KRT13: variants seen among roughly 807,000 people sequenced by gnomAD.
KRT13 encodes the protein keratin, type I cytoskeletal 13.
A neutral mutation model predicts 40.6 loss-of-function variants in KRT13; 27 were observed. The ratio of observed to expected loss-of-function variants is 0.67; its 90% CI spans 0.49 to 0.92. The LOEUF is 0.92. Among genes scored for constraint, KRT13 ranks in the 40% least tolerant of loss-of-function variants. The pLI, the probability that KRT13 is intolerant of heterozygous loss-of-function variation, is 0.00. For synonymous variants in KRT13, 266 were observed against 240.3 expected, an observed-to-expected ratio of 1.11 and a Z score of -0.99; for missense variants, 605 against 611.5, an observed-to-expected ratio of 0.99 and a Z score of 0.11.
At chr17:41,503,936 A>G (rs1904969051) in intron 1 of KRT13, 2 of 564,820 alleles carry the variant, frequency 3.5e-6, no homozygotes, top group African/African-American at 1.9e-5. Context: ...TTAGGCCTCA[A>G]TCAAAGCTGT....
Position 41,502,698 on chromosome 17 carries a change from G to A in KRT13, c.1012C>T (p.Gln338Ter), listed in dbSNP as rs1306430515. ...GGCTGCAGGCATACCATGCTCAGCT[G>A]GGACTGCAGCTCAATCTCCAGGCCT... is the stretch of plus-strand genomic sequence containing the variant. ...LQGLEIELQS[Q>*]LSMKAGLENT... is the part of the protein sequence containing the mutation. Residue 338 changes from glutamine (Q) to a stop codon, truncating the protein, a stop_gained, in exon 5 of 8, where the codon CAG becomes TAG. Coordinates refer to ENST00000246635, the MANE Select transcript of KRT13 (RefSeq NM_153490.3). LOFTEE classifies it high-confidence loss of function. The A allele has an allele frequency of 6.2e-7, 1 of 1,614,090 alleles. No individual in the cohort carries two copies. The highest frequency in any genetic ancestry group is 1.1e-5 in the South Asian group (1 of 91,088).
chr17:41,502,891 C>T lies in KRT13; in HGVS notation c.897+46G>A, dbSNP rs747710702. ...CCAAGAGGCTGTGTCCGCCCGGCCCCCCTGGCTATATGGGATGGGCTATGT... is the reference window on the plus strand; with the variant it reads ...CCAAGAGGCTGTGTCCGCCCGGCCCTCCTGGCTATATGGGATGGGCTATGT... On this transcript the variant is annotated intron_variant, in intron 4 of 7. Transcript: ENST00000246635. 2.7e-5 allele frequency: 43 copies of T among 1,614,032 alleles called. No individual in the cohort carries two copies. In the South Asian group the frequency reaches 3.8e-4, roughly 14 times the overall value.
intron 1 of KRT13, among the ~76,000 whole-genome samples, chr17:41,504,780 C>T (rs1174435378): frequency 6.6e-6 from 1 of 152,116 alleles, no homozygotes; most frequent in Non-Finnish European, 1.5e-5. Flanking sequence ...TTATAGAGAT[C>T]GAGTCATGAA....
intron 1 of KRT13, 80 bp from the exon 2 acceptor site, chr17:41,503,805 A>G: frequency 1.9e-6 from 2 of 1,078,994 alleles, no homozygotes; most frequent in Non-Finnish European, 2.9e-6. Flanking sequence ...TGGAAGAAGA[A>G]TTGTCTTGGG....
chr17:41,505,175 C>T lies in KRT13; in HGVS notation c.376G>A (p.Glu126Lys). The part of the protein sequence containing the change: ...ASYLEKVRAL[E>K]EANADLEVKI... ...ACCTCCAGGTCAGCGTTGGCCTCCT[C>T]CAGGGCGCGCACCTTCTCCAGGTAG... The change falls in exon 1 of 8, where the codon GAG becomes AAG. Residue 126 changes from glutamate (E) to lysine (K), a missense_variant. Physicochemically the swap from Glu to Lys is moderately conservative, Grantham distance 56 (BLOSUM62 1). Coordinates refer to ENST00000246635, the MANE Select transcript of KRT13 (RefSeq NM_153490.3). The T allele has an allele frequency of 6.2e-7, 1 of 1,614,242 alleles. No homozygotes were observed. The highest frequency in any genetic ancestry group is 8.5e-7 in the Non-Finnish European group (1 of 1,180,044).
Position 41,503,338 on chromosome 17 carries a change from C to A in KRT13, c.684G>T (p.Gln228His). 6.2e-7 allele frequency: 1 copy of A among 1,614,244 alleles called. No homozygotes were observed. The highest frequency in any genetic ancestry group is 1.7e-4 in the Middle Eastern group (1 of 6,060). ...CTAGCTCTTCATTCAGGCTCTCGAT[C>A]TGCATCTCCAGGTCAGTCTTAGACA... is the stretch of plus-strand genomic sequence containing the variant. ...LTLSKTDLEM[Q>H]IESLNEELAY... The change falls in exon 3 of 8, where the codon CAG becomes CAT. Residue 228 changes from glutamine to histidine, a missense_variant. By Grantham distance (24) the Gln-to-His change is conservative. Transcript: ENST00000246635.
intron 6 of KRT13, 49 bp downstream of exon 6, chr17:41,502,325 C>T (rs1431576094): frequency 3.1e-6 from 5 of 1,613,008 alleles, no homozygotes; most frequent in Non-Finnish European, 3.4e-6. Flanking sequence ...CTCTGACACC[C>T]ACGGGTCCTG....
Position 41,501,307 on chromosome 17 carries a change from G to A in KRT13, c.1326C>T (p.Thr442=), listed in dbSNP as rs776554416. The change falls in exon 8 of 8, where the codon ACC becomes ACT. Residue 442 remains threonine (T), a synonymous_variant. Coordinates refer to ENST00000246635, the MANE Select transcript of KRT13 (RefSeq NM_153490.3). ...SVTTTSSASV[T]TTSNASGRRT... ...GGCGACCAGAGGCATTAGAGGTGGT[G>A]GTAACAGAGGCACTAGAAGTCGTGG... 6.3e-7 allele frequency: 1 copy of A among 1,576,898 alleles called. No individual in the cohort carries two copies. Among genetic ancestry groups the A allele is most frequent in the African/African-American group, 1.3e-5 (1 of 74,714 alleles).
At chr17:41,501,655 C>G (rs562693749) in intron 7 of KRT13, 64 bp downstream of exon 7, 32 of 1,553,002 alleles carry the variant, frequency 2.1e-5, no homozygotes, top group South Asian at 7.1e-5. Context: ...GCTCCCACCC[C>G]CATTGGGGCA....
At chr17:41,501,432 G>A in intron 7 of KRT13, 70 bp from the exon 8 acceptor site, 1 of 1,300,766 alleles carries the variant, frequency 7.7e-7, no homozygotes, top group Non-Finnish European at 1.1e-6. Context: ...GGGCCCCCCT[G>A]GAGGGCTCAC....
At chr17:41,503,893 A>C (rs77815497) in intron 1 of KRT13, among the ~76,000 whole-genome samples, 168 bp from the exon 2 acceptor site, 13 of 152,180 alleles carry the variant, frequency 8.5e-5, no homozygotes, top group Middle Eastern at 3.2e-3. Flanking sequence ...ATAAAAAAAA[A>C]CTCAATGTTT....
Position 41,505,365 on chromosome 17 carries a change from T to G in KRT13, c.186A>C (p.Gly62=), listed in dbSNP as rs764768768. Residue 62 remains glycine (G), a synonymous_variant, in exon 1 of 8, where the codon GGA becomes GGC. Coordinates refer to ENST00000246635, the MANE Select transcript of KRT13 (RefSeq NM_153490.3). ...GFGGGAGSGF[G]GGYGGGLGGG... is the part of the protein sequence containing the mutation. ...CTCCAAGGCCACCTCCATAGCCACCTCCAAAGCCACTACCAGCCCCTCCAC... is the reference window on the plus strand; with the variant it reads ...CTCCAAGGCCACCTCCATAGCCACCGCCAAAGCCACTACCAGCCCCTCCAC... The G allele has an allele frequency of 6.2e-7, 1 of 1,613,322 alleles. No individual in the cohort carries two copies.
In KRT13 at chr17:41,505,539, G is replaced by T; in HGVS notation, c.12C>A (p.Arg4=). The stretch of plus-strand genomic sequence containing the variant: ...CATAGCTGGCAGAGGAGCTCTGCAG[G>T]CGGAGGCTCATGGTGAGAGCAGGAT... MSL[R]LQSSSASYGG... Residue 4 remains arginine (R), a synonymous_variant, in exon 1 of 8, where the codon CGC becomes CGA. Coordinates refer to ENST00000246635, the MANE Select transcript of KRT13 (RefSeq NM_153490.3). The T allele has an allele frequency of 6.2e-7, 1 of 1,614,260 alleles. No individual in the cohort carries two copies. The highest frequency in any genetic ancestry group is 8.5e-7 in the Non-Finnish European group (1 of 1,180,050).
rs1415842990 is a variant in KRT13, at chr17:41,501,159, G to C, written c.*97C>G. ...GGGGTCCTGAGAGCAGAGGGACTGAGCCTTGGGTCCAGCAGCCCCTCCTCT... is the reference window on the plus strand; with the variant it reads ...GGGGTCCTGAGAGCAGAGGGACTGACCCTTGGGTCCAGCAGCCCCTCCTCT... On this transcript the variant is annotated 3_prime_UTR_variant, in exon 8 of 8. Coordinates refer to ENST00000246635, the MANE Select transcript of KRT13 (RefSeq NM_153490.3). 1.2e-6 allele frequency: 1 copy of C among 853,754 alleles called. No individual in the cohort carries two copies. Among genetic ancestry groups the C allele is most frequent in the African/African-American group, 1.7e-5 (1 of 59,236 alleles). 52.9% of individuals were successfully genotyped at this position (853,754 alleles called of 1,614,324 possible). A position where few individuals can be genotyped will look rare whatever the true frequency, so the allele number is the denominator to read the frequency against.
At chr17:41,501,656 C>A (rs533023584) in intron 7 of KRT13, 63 bp downstream of exon 7, 4 of 1,553,094 alleles carry the variant, frequency 2.6e-6, no homozygotes, top group South Asian at 1.2e-5. Context: ...CTCCCACCCC[C>A]ATTGGGGCAG....
chr17:41,502,342 C>T (rs1904879222), intron 6 of KRT13, 32 bp downstream of exon 6: 2 of 1,613,672 alleles, frequency 1.2e-6, no homozygotes, highest in South Asian at 1.1e-5. Flanking sequence ...CCTGCAGTCA[C>T]TATCCTAAGA....
rs762270993 is a variant in KRT13 at position 41,502,496 on chromosome 17, C to G, written c.1122G>C (p.Leu374=). ...QGLISSIEAQ[L]SELRSEMECQ... ...ACTCCATCTCACTGCGGAGCTCGCT[C>G]AGCTGGGCCTCGATGCTGCTGATGA... is the stretch of plus-strand genomic sequence containing the variant. Residue 374 remains leucine, a synonymous_variant, in exon 6 of 8, where the codon CTG becomes CTC. Coordinates refer to ENST00000246635, the MANE Select transcript of KRT13 (RefSeq NM_153490.3). 23 of 1,614,064 alleles carry G rather than the reference C, an allele frequency of 1.4e-5. No homozygotes were observed. The highest frequency in any genetic ancestry group is 1.7e-5 in the Admixed American group (1 of 60,014).
At position 41,501,381 on chromosome 17, in the gene KRT13, G is replaced by A. The variant is rs966937924; in HGVS notation, c.1271-19C>T. The A allele has an allele frequency of 3.3e-6, 5 of 1,537,900 alleles. No homozygotes were observed. Among genetic ancestry groups the A allele is most frequent in the Non-Finnish European group, 4.4e-6 (5 of 1,133,770 alleles). ...ACGCTTCCTGGGAAACAAGAGACAA[G>A]ACATGCTCAGGCTGGAGAAGACCCA... On this transcript the variant is annotated intron_variant, in intron 7 of 7. Transcript: ENST00000246635.
rs558089092 is a variant in KRT13 at position 41,503,440 on chromosome 17, A to T, written c.582T>A (p.Tyr194Ter). The change falls in exon 3 of 8, where the codon TAT (tyrosine) becomes TAA (stop). Residue 194 changes from tyrosine to a stop codon, truncating the protein, a stop_gained. Coordinates refer to ENST00000246635, the MANE Select transcript of KRT13 (RefSeq NM_153490.3). LOFTEE classifies it high-confidence loss of function. ...RLAADDFRLK[Y>*]ENELALRQSV... ...TCTGGCGCAGGGCCAGCTCATTCTC[A>T]TACCTAAAATAGTAAAAAAATGAAA... 6.2e-7 allele frequency: 1 copy of T among 1,614,180 alleles called. No homozygotes were observed. The highest frequency in any genetic ancestry group is 2.2e-5 in the East Asian group (1 of 44,886).
Sources: gnomAD v4.1 joint callset for allele counts (sites outside exome capture counted in the v4.1 genomes callset) on GRCh38, gnomAD v4.1.1 for gene constraint, MANE v1.5 for transcripts, NCBI Gene and HGNC (gene_info 2026-07-23, HGNC 2026-07-21) for gene names.